FAM161A: variants seen among roughly 807,000 people sequenced by gnomAD.
FAM161A encodes FAM161 centrosomal protein A.
Under a neutral mutation model 70.9 loss-of-function variants are expected in FAM161A, and 57 were observed. The observed-to-expected ratio is 0.80, with a 90% CI of 0.65 to 1.00. The LOEUF is 1.00. Among genes scored for constraint, FAM161A ranks in the 50% least tolerant of loss-of-function variants. The probability of loss-of-function intolerance (pLI) is 0.00; values close to 1 mark genes in which losing one functional copy is unlikely to be tolerated. For synonymous variants in FAM161A, 299 were observed against 295.7 expected (o/e 1.01, Z -0.12); for missense variants, 880 against 836.0 (o/e 1.05, Z -0.65).
rs1553354109 is a variant in FAM161A at position 61,838,888 on chromosome 2, A to ATTAT, written c.1584-184_1584-183insATAA. The stretch of plus-strand genomic sequence containing the variant: ...TATTTATTTATTTATTTATTTATTT[A>ATTAT]TTTATTTTTTTTGAGATGGAGTCTC... On this transcript the variant is annotated intron_variant, in intron 3 of 6. Coordinates refer to ENST00000404929, the MANE Select transcript of FAM161A (RefSeq NM_001201543.2). Among the ~76,000 whole-genome samples the ATTAT allele has an allele frequency of 4.2e-5, 5 of 118,146 alleles. 1 individual carries two copies. Among genetic ancestry groups the ATTAT allele is most frequent in the South Asian group, 7.2e-4 (2 of 2,772 alleles). 77.5% of individuals were successfully genotyped at this position (118,146 alleles called of 152,430 possible).
chr2:61,840,183 T>C lies in FAM161A; in HGVS notation c.821A>G (p.Glu274Gly). 2 of 1,614,144 alleles carry C rather than the reference T, an allele frequency of 1.2e-6. No homozygotes were observed. The highest frequency in any genetic ancestry group is 1.7e-6 in the Non-Finnish European group (2 of 1,180,020). Residue 274 changes from glutamate to glycine, a missense_variant, in exon 3 of 7, where the codon GAG becomes GGG. Coordinates refer to ENST00000404929, the MANE Select transcript of FAM161A (RefSeq NM_001201543.2). ...GAATTTCTTCTTATACTCTGGATCC[T>C]CTTCTTGTTTTTTGAGCGCTTTATG... ...MVHKALKKQEEDPEYKKKFRA... is the reference protein window; with the variant it reads ...MVHKALKKQEGDPEYKKKFRA...
In FAM161A at chr2:61,842,264, C is replaced by T. The variant is rs1334578300; in HGVS notation, c.280G>A (p.Glu94Lys). 6 of 1,613,278 alleles carry T rather than the reference C, an allele frequency of 3.7e-6. No individual in the cohort carries two copies. In the Admixed American group the frequency reaches 1.0e-4, roughly 27 times the overall value. ...NFPDIHHSNE[E>K]YFKKVEELKA... ...AACTCTTCTACTTTCTTGAAATACT[C>T]CTCATTAGAGTGGTGAATATCAGGA... Residue 94 changes from glutamate (E) to lysine (K), a missense_variant, in exon 2 of 7, where the codon GAG becomes AAG. Coordinates refer to ENST00000404929, the MANE Select transcript of FAM161A (RefSeq NM_001201543.2).
chr2:61,842,888 C>A (rs902194470), intron 1 of FAM161A, among the ~76,000 whole-genome samples: 1 of 152,066 alleles, frequency 6.6e-6, no homozygotes, highest in Non-Finnish European at 1.5e-5. Context: ...ATCAAGGAGC[C>A]AGGGAGAAGC....
At chr2:61,837,847 T>C (rs1672832724) in intron 4 of FAM161A, among the ~76,000 whole-genome samples, 1 of 152,190 alleles carries the variant, frequency 6.6e-6, no homozygotes, top group Non-Finnish European at 1.5e-5. Flanking sequence ...CCTTTATCAA[T>C]GGATTAAAGC....
chr2:61,826,677 C>A (rs1672380456), intron 6 of FAM161A, 78 bp from the exon 7 acceptor site: 2 of 1,214,842 alleles, frequency 1.6e-6, no homozygotes, highest in Non-Finnish European at 2.4e-6. Flanking sequence ...GCAAGTATGC[C>A]ACCGTGTAGC....
In FAM161A at chr2:61,826,403, CA is replaced by C; in HGVS notation, c.*51del. ...TTCTAAACACAAATGCGGCTGCTGACACCCTGACGCTGCAAACAACAGCAAG... is the reference window on the plus strand; with the variant it reads ...TTCTAAACACAAATGCGGCTGCTGACCCCTGACGCTGCAAACAACAGCAAG... On this transcript the variant is annotated 3_prime_UTR_variant, in exon 7 of 7. Transcript: ENST00000404929. The C allele has an allele frequency of 6.3e-7, 1 of 1,594,456 alleles. No individual in the cohort carries two copies. The highest frequency in any genetic ancestry group is 8.6e-7 in the Non-Finnish European group (1 of 1,166,054).
Position 61,825,483 on chromosome 2 carries a change from A to C in FAM161A, c.*972T>G, listed in dbSNP as rs1177342471. On this transcript the variant is annotated 3_prime_UTR_variant, in exon 7 of 7. Coordinates refer to ENST00000404929, the MANE Select transcript of FAM161A (RefSeq NM_001201543.2). ...TGTAATAATACATAGGGTTAAAAAA[A>C]CTAGTATAAAAACTTTCCTAATAAT... The C allele has an allele frequency of 2.2e-6, 1 of 448,610 alleles. No homozygotes were observed. Among genetic ancestry groups the C allele is most frequent in the Non-Finnish European group, 4.4e-6 (1 of 225,434 alleles). The allele number at this position is 448,610 out of a possible 1,614,324, so 27.8% of individuals were successfully genotyped here.
intron 1 of FAM161A, among the ~76,000 whole-genome samples, chr2:61,845,350 C>G (rs1337840935): frequency 2.0e-5 from 3 of 152,174 alleles, no homozygotes; most frequent in Non-Finnish European, 4.4e-5. Context: ...ACACTCCAAA[C>G]TAAAAGTTAT....
At chr2:61,801,054 CAA>C in the FAM161A span, among the ~76,000 whole-genome samples, 3 of 151,922 alleles carry the variant, frequency 2.0e-5, no homozygotes, top group African/African-American at 7.3e-5. Context: ...CTCAGCCTCC[CAA>C]AGTGCTGGGA....
At chr2:61,832,539 C>A (rs989138786) in intron 5 of FAM161A, among the ~76,000 whole-genome samples, 1 of 152,156 alleles carries the variant, frequency 6.6e-6, no homozygotes, top group Non-Finnish European at 1.5e-5. Context: ...CCTAAGATGT[C>A]GTTTATGCCA....
intron 5 of FAM161A, among the ~76,000 whole-genome samples, chr2:61,830,431 A>G (rs1672524008): frequency 6.6e-6 from 1 of 152,066 alleles, no homozygotes; most frequent in African/African-American, 2.4e-5. Context: ...CTGTAATCCC[A>G]GTACTTTGGG....
intron 1 of FAM161A, among the ~76,000 whole-genome samples, chr2:61,851,988 G>A (rs1673514131): frequency 6.6e-6 from 1 of 152,090 alleles, no homozygotes; most frequent in African/African-American, 2.4e-5. Flanking sequence ...AATCAAGATG[G>A]AGACCCAAGC....
At chr2:61,800,383 G>C in the FAM161A span, among the ~76,000 whole-genome samples, 5 of 152,292 alleles carry the variant, frequency 3.3e-5, no homozygotes, top group East Asian at 9.6e-4. Flanking sequence ...TTTCCCACAT[G>C]GTCAGGATTC....
chr2:61,848,013 T>G (rs1673291936), intron 1 of FAM161A, among the ~76,000 whole-genome samples: 1 of 152,142 alleles, frequency 6.6e-6, no homozygotes, highest in African/African-American at 2.4e-5. Context: ...CACCAAGTAT[T>G]AAGAAAAAGG....
At chr2:61,827,324 G>C in intron 5 of FAM161A, 66 bp from the exon 6 acceptor site, 1 of 1,551,918 alleles carries the variant, frequency 6.4e-7, no homozygotes, top group Non-Finnish European at 8.8e-7. Context: ...AAAATGTATA[G>C]ATTAGGCCAG....
rs1457565573 is a variant in FAM161A at position 61,836,010 on chromosome 2, C to T, written c.1851G>A (p.Gln617=). ...GCTCTTAAATTCCAATAAACACAAC[C>T]TGAGCAACTCTTTCAAATAGCAGTG... ...KRPLLFERVA[Q]KNARMAAEKH... Residue 617 remains glutamine, a splice_region_variant and synonymous_variant, in exon 5 of 7, where the codon CAG becomes CAA. Transcript: ENST00000404929. The T allele has an allele frequency of 6.3e-7, 1 of 1,594,256 alleles. No homozygotes were observed. Among genetic ancestry groups the T allele is most frequent in the African/African-American group, 1.4e-5 (1 of 73,542 alleles).
chr2:61,803,816 A>AAAAT, the FAM161A span, among the ~76,000 whole-genome samples: 6 of 152,104 alleles, frequency 3.9e-5, no homozygotes, highest in Admixed American at 1.3e-4. Context: ...CTGTCTCGAA[A>AAAAT]AAATAAATAA....
chr2:61,810,631 T>C, the FAM161A span, among the ~76,000 whole-genome samples: 2 of 151,732 alleles, frequency 1.3e-5, no homozygotes, highest in African/African-American at 2.4e-5. Context: ...GCTAATTTTT[T>C]GTATTTTTAG....
chr2:61,820,060 A>T (rs1398844204), downstream of FAM161A: 11 of 275,508 alleles, frequency 4.0e-5, no homozygotes, highest in Non-Finnish European at 7.7e-5. Context: ...CAGAAATGCT[A>T]CTTTATACAG....
Sources: gnomAD v4.1 joint callset for allele counts (sites outside exome capture counted in the v4.1 genomes callset) on GRCh38, gnomAD v4.1.1 for gene constraint, MANE v1.5 for transcripts, NCBI Gene and HGNC (gene_info 2026-07-23, HGNC 2026-07-21) for gene names.